The following DBX2 variants were observed in gnomAD, a reference collection of about 807,000 sequenced individuals.
DBX2 encodes the protein homeobox protein DBX2.
Under a neutral mutation model 17.7 loss-of-function variants are expected in DBX2, and 16 were observed. The observed-to-expected ratio is 0.90, with a 90% CI of 0.61 to 1.37. The LOEUF (loss-of-function observed/expected upper bound fraction) is 1.37, where lower values mean the gene tolerates loss of function less well. Among genes scored for constraint, DBX2 ranks in the 40% most tolerant of loss-of-function variants. The pLI is 0.00. For synonymous variants in DBX2, 255 were observed against 183.8 expected, an observed-to-expected ratio of 1.39 and a Z score of -3.13; for missense variants, 538 against 433.8, an observed-to-expected ratio of 1.24 and a Z score of -2.13.
At chr12:45,027,892 C>T (rs745806488) in intron 2 of DBX2, among the ~76,000 whole-genome samples, 1 of 152,016 alleles carries the variant, frequency 6.6e-6, no homozygotes, top group Non-Finnish European at 1.5e-5. Flanking sequence ...TGTTCATAGT[C>T]GATAAGAAAA....
At chr12:45,017,030 C>T (rs2731052) in intron 3 of DBX2, among the ~76,000 whole-genome samples, 96,454 of 151,728 alleles carry the variant, frequency 0.64, 31,096 homozygotes, top group South Asian at 0.84. Flanking sequence ...AAACAATCTG[C>T]CCGCCTTGGC....
intron 2 of DBX2, among the ~76,000 whole-genome samples, chr12:45,028,087 G>C (rs1192602602): frequency 6.6e-6 from 1 of 152,170 alleles, no homozygotes; most frequent in Non-Finnish European, 1.5e-5. Context: ...GTAGAGTCGA[G>C]GGATTAGCAT....
chr12:45,017,732 C>G (rs1355131667), intron 3 of DBX2, among the ~76,000 whole-genome samples: 1 of 152,210 alleles, frequency 6.6e-6, no homozygotes, highest in Non-Finnish European at 1.5e-5. Context: ...CCTCTTTATA[C>G]ACTGTGTAGT....
intron 3 of DBX2, among the ~76,000 whole-genome samples, chr12:45,019,599 A>T (rs537793891): frequency 6.6e-6 from 1 of 152,212 alleles, no homozygotes; most frequent in East Asian, 1.9e-4. Context: ...TTACACATAA[A>T]TCCCACTCAC....
At chr12:45,036,560 T>C (rs1319340864) in intron 1 of DBX2, among the ~76,000 whole-genome samples, 1 of 152,242 alleles carries the variant, frequency 6.6e-6, no homozygotes, top group Non-Finnish European at 1.5e-5. Context: ...TTACTCTAAA[T>C]TCACTTATAT....
At chr12:45,020,118 T>C (rs1054530795) in intron 3 of DBX2, among the ~76,000 whole-genome samples, 1 of 152,178 alleles carries the variant, frequency 6.6e-6, no homozygotes, top group African/African-American at 2.4e-5. Flanking sequence ...TATTCACAGA[T>C]AATGCAACCA....
At chr12:45,036,251 A>G in intron 1 of DBX2, 137 bp from the exon 2 acceptor site, 1 of 796,788 alleles carries the variant, frequency 1.3e-6, no homozygotes, top group Non-Finnish European at 1.8e-6. Context: ...ATTATAAAGT[A>G]GCCTTTGTCT....
At chr12:45,036,226 A>G in intron 1 of DBX2, 112 bp from the exon 2 acceptor site, 1 of 970,234 alleles carries the variant, frequency 1.0e-6, no homozygotes, top group Non-Finnish European at 1.4e-6. Context: ...TTTAATTTGT[A>G]TTGAAATTAA....
At position 45,020,197 on chromosome 12, in the gene DBX2, T is replaced by C. The variant is rs568030951; in HGVS notation, c.687+3510A>G. On this transcript the variant is annotated intron_variant, in intron 3 of 3. Transcript: ENST00000332700. ...ACACCCTTTAGCTATCTCTATTCTA[T>C]TCCCTGTTTCCCCCAGCCCTAAGCA... is the stretch of plus-strand genomic sequence containing the variant. Among the ~76,000 whole-genome samples, 6 of 152,208 alleles carry C rather than the reference T, an allele frequency of 3.9e-5. No homozygotes were observed. In the East Asian group the frequency reaches 1.2e-3, roughly 29 times the overall value.
chr12:45,034,898 C>G (rs116693720), intron 2 of DBX2, among the ~76,000 whole-genome samples: 1,578 of 152,312 alleles, frequency 0.01, 24 homozygotes, highest in African/African-American at 0.036. Context: ...TAAAGTTCAT[C>G]TGCAGAGTGA....
At chr12:45,032,259 C>T (rs1312346944) in intron 2 of DBX2, among the ~76,000 whole-genome samples, 1 of 152,154 alleles carries the variant, frequency 6.6e-6, no homozygotes, top group African/African-American at 2.4e-5. Flanking sequence ...ATTGCACAAA[C>T]TCGATTATGT....
At chr12:45,036,547 T>A (rs549079449) in intron 1 of DBX2, among the ~76,000 whole-genome samples, 1 of 152,338 alleles carries the variant, frequency 6.6e-6, no homozygotes, top group South Asian at 2.1e-4. Context: ...AATAACTGCA[T>A]ATTTACTCTA....
chr12:45,036,875 T>C, intron 1 of DBX2, among the ~76,000 whole-genome samples: 1 of 152,174 alleles, frequency 6.6e-6, no homozygotes, highest in East Asian at 1.9e-4. Flanking sequence ...GATATATGTG[T>C]TTCTAGTATA....
At chr12:45,027,892 C>G (rs745806488) in intron 2 of DBX2, among the ~76,000 whole-genome samples, 3 of 152,016 alleles carry the variant, frequency 2.0e-5, no homozygotes, top group African/African-American at 7.2e-5. Context: ...TGTTCATAGT[C>G]GATAAGAAAA....
chr12:45,016,395 T>C lies in DBX2; in HGVS notation c.911A>G (p.Gln304Arg), dbSNP rs895589592. ...TGGGGGTGGTGCCCCTGAACTCTCCTGGATTAGTCTTTCTGAAGGTTCTGG... is the reference window on the plus strand; with the variant it reads ...TGGGGGTGGTGCCCCTGAACTCTCCCGGATTAGTCTTTCTGAAGGTTCTGG... ...NSPEPSERLI[Q>R]ESSGAPPPEA... The change falls in exon 4 of 4, where the codon CAG becomes CGG. Residue 304 changes from glutamine to arginine, a missense_variant. Physicochemically the swap from Gln to Arg is conservative, Grantham distance 43 (BLOSUM62 1). Transcript: ENST00000332700. 2 of 1,614,024 alleles carry C rather than the reference T, an allele frequency of 1.2e-6. No homozygotes were observed. Among genetic ancestry groups the C allele is most frequent in the Non-Finnish European group, 1.7e-6 (2 of 1,179,958 alleles).
At chr12:45,039,279 A>G (rs11182803) in intron 1 of DBX2, among the ~76,000 whole-genome samples, 1,406 of 8,478 alleles carry the variant, frequency 0.17, 36 homozygotes, top group Admixed American at 0.41. Context: ...CATTGAAGGT[A>G]TATATATATA....
At chr12:45,041,464 AT>A (rs1946470907) in intron 1 of DBX2, among the ~76,000 whole-genome samples, 1 of 152,178 alleles carries the variant, frequency 6.6e-6, no homozygotes, top group Non-Finnish European at 1.5e-5. Context: ...ATGAAGTTTG[AT>A]TTATTTTAAT....
intron 1 of DBX2, among the ~76,000 whole-genome samples, chr12:45,048,667 G>C (rs190130289): frequency 6.6e-6 from 1 of 152,300 alleles, no homozygotes; most frequent in Admixed American, 6.5e-5. Flanking sequence ...CAGCATATTT[G>C]TGGGGTCAAA....
chr12:45,049,675 A>AT (rs1355237779), intron 1 of DBX2, among the ~76,000 whole-genome samples: 1 of 151,942 alleles, frequency 6.6e-6, no homozygotes, highest in East Asian at 1.9e-4. Flanking sequence ...AAAAAAAAAA[A>AT]AATCCAATTG....
Sources: gnomAD v4.1 joint callset for allele counts (sites outside exome capture counted in the v4.1 genomes callset) on GRCh38, gnomAD v4.1.1 for gene constraint, MANE v1.5 for transcripts, NCBI Gene and HGNC (gene_info 2026-07-23, HGNC 2026-07-21) for gene names.